The following SLC18A2 variants were observed in gnomAD, a reference collection of about 807,000 sequenced individuals.
SLC18A2 encodes solute carrier family 18 member A2, also known as synaptic vesicular amine transporter.
SLC18A2 carries 33 observed loss-of-function variants against 59.2 expected under a neutral mutation model. The ratio of observed to expected loss-of-function variants is 0.56; its 90% CI spans 0.42 to 0.75. SLC18A2 has a LOEUF of 0.75. Ranked by LOEUF, SLC18A2 falls within the 30% of genes least tolerant of loss-of-function variation. The pLI is 0.00. For synonymous variants in SLC18A2, 228 were observed against 253.5 expected, an observed-to-expected ratio of 0.90 and a Z score of 0.95; for missense variants, 569 against 668.6, an observed-to-expected ratio of 0.85 and a Z score of 1.64.
chr10:117,248,565 T>C (rs1358599672), intron 3 of SLC18A2, among the ~76,000 whole-genome samples: 1 of 152,230 alleles, frequency 6.6e-6, no homozygotes, highest in Non-Finnish European at 1.5e-5. Context: ...TTGGCTGAAC[T>C]ATTCATTTCA....
rs1158373251 is a variant in SLC18A2, at chr10:117,270,425, T to C, written c.1402T>C (p.Phe468Leu). 1.2e-6 allele frequency: 2 copies of C among 1,613,934 alleles called. No homozygotes were observed. The highest frequency in any genetic ancestry group is 1.7e-6 in the Non-Finnish European group (2 of 1,180,002). ...TGATATTCTTTTTGCCCCTCTCTGC[T>C]TTTTTCTTCGAAGTCCACCTGCCAA... ...IIDILFAPLC[F>L]FLRSPPAKEE... Residue 468 changes from phenylalanine (F) to leucine (L), a missense_variant, in exon 15 of 16, where the codon TTT (phenylalanine) becomes CTT (leucine). This residue lies in a region of SLC18A2 where 192 missense variants were observed against 278.8 expected (regional missense o/e 0.69). Coordinates refer to ENST00000644641, the MANE Select transcript of SLC18A2 (RefSeq NM_003054.6).
chr10:117,254,166 G>A (rs1258912007), intron 5 of SLC18A2, 35 bp downstream of exon 5: 1 of 1,596,740 alleles, frequency 6.3e-7, no homozygotes, highest in East Asian at 2.2e-5. Context: ...TTCGTGAGGG[G>A]CCCCTTGCAG....
At chr10:117,256,790 T>C (rs959293125) in intron 9 of SLC18A2, among the ~76,000 whole-genome samples, 6 of 152,104 alleles carry the variant, frequency 3.9e-5, no homozygotes, top group African/African-American at 1.2e-4. Context: ...CGAGGAGGTA[T>C]GGTGAGGGAC....
chr10:117,252,637 T>C (rs1183642532), intron 3 of SLC18A2, among the ~76,000 whole-genome samples: 3 of 152,190 alleles, frequency 2.0e-5, no homozygotes, highest in South Asian at 2.1e-4. Flanking sequence ...TGACATTTCT[T>C]AGGCACCTTC....
At chr10:117,276,644 A>AAGAAAGAC (rs148904668) in intron 15 of SLC18A2, among the ~76,000 whole-genome samples, 7,685 of 132,658 alleles carry the variant, frequency 0.058, 327 homozygotes, top group South Asian at 0.075. Context: ...GAAAGAAAGA[A>AAGAAAGAC]AGAAAGAAAA....
chr10:117,244,406 A>G (rs1844089322), intron 3 of SLC18A2, 93 bp downstream of exon 3: 2 of 1,213,644 alleles, frequency 1.6e-6, no homozygotes, highest in African/African-American at 1.5e-5. Flanking sequence ...CATTGGTGAG[A>G]GTCTGGAAAA....
chr10:117,266,089 CA>C (rs35533634), intron 10 of SLC18A2, among the ~76,000 whole-genome samples: 1,668 of 72,124 alleles, frequency 0.023, 17 homozygotes, highest in African/African-American at 0.07. Context: ...GACTCCATCT[CA>C]AAAAAAAAAA....
chr10:117,258,425 C>G, intron 10 of SLC18A2, among the ~76,000 whole-genome samples: 1 of 152,116 alleles, frequency 6.6e-6, no homozygotes, highest in East Asian at 1.9e-4. Context: ...TGTTTACCAC[C>G]CTATTGCATG....
intron 10 of SLC18A2, among the ~76,000 whole-genome samples, chr10:117,266,111 A>AT (rs1844346089): frequency 6.6e-6 from 1 of 150,878 alleles, no homozygotes; most frequent in African/African-American, 2.4e-5. Flanking sequence ...AAAAAAAAAA[A>AT]TCTGACTTGA....
rs1666990170 is a variant in SLC18A2 at position 117,241,560 on chromosome 10, G to A, written c.-15-119G>A. On this transcript the variant is annotated intron_variant, in intron 1 of 15. Transcript: ENST00000644641. ...CAGGTGAGCCGAGGCTGGGGCGCCC[G>A]GGGGTGTCCCCGGATGCCGGTGCGC... 2.6e-6 allele frequency: 3 copies of A among 1,134,840 alleles called. No homozygotes were observed. In the Admixed American group the frequency reaches 1.2e-4, roughly 45 times the overall value. The allele number at this position is 1,134,840 out of a possible 1,614,324, so 70.3% of individuals were successfully genotyped here.
At chr10:117,251,677 G>A (rs1844163984) in intron 3 of SLC18A2, among the ~76,000 whole-genome samples, 2 of 152,126 alleles carry the variant, frequency 1.3e-5, no homozygotes, top group Non-Finnish European at 2.9e-5. Flanking sequence ...ATTTGAATAT[G>A]GTCAAGAGAA....
Position 117,266,591 on chromosome 10 carries a change from G to T in SLC18A2, c.992-142G>T, listed in dbSNP as rs895811087. 8 of 666,680 alleles carry T rather than the reference G, an allele frequency of 1.2e-5. No homozygotes were observed. The East Asian group carries it at 2.1e-4, about 17-fold the overall frequency. The allele number at this position is 666,680 out of a possible 1,614,324, so 41.3% of individuals were successfully genotyped here. On this transcript the variant is annotated intron_variant, in intron 10 of 15. Coordinates refer to ENST00000644641, the MANE Select transcript of SLC18A2 (RefSeq NM_003054.6). ...TGGGTCCAGACCGGATCCGGCAGGC[G>T]CCGGATATTAGCTGCTGGGGTGTGG... is the stretch of plus-strand genomic sequence containing the variant.
chr10:117,263,968 C>G (rs1428864066), intron 10 of SLC18A2, among the ~76,000 whole-genome samples: 3 of 152,192 alleles, frequency 2.0e-5, no homozygotes, highest in Non-Finnish European at 4.4e-5. Flanking sequence ...ACCATTGCCC[C>G]TATTCTGGTT....
intron 3 of SLC18A2, among the ~76,000 whole-genome samples, chr10:117,246,431 A>C (rs2133727522): frequency 6.6e-6 from 1 of 152,344 alleles, no homozygotes; most frequent in East Asian, 1.9e-4. Context: ...TAAATACTCC[A>C]ACGGCTTTGA....
At position 117,257,867 on chromosome 10, in the gene SLC18A2, C is replaced by A; in HGVS notation, c.966C>A (p.Thr322=). 1.2e-6 allele frequency: 2 copies of A among 1,611,820 alleles called. No individual in the cohort carries two copies. Among genetic ancestry groups the A allele is most frequent in the Non-Finnish European group, 1.7e-6 (2 of 1,178,840 alleles). ...EPALPIWMME[T]MCSRKWQLGV... is the part of the protein sequence containing the mutation. ...CCCTGCCCATCTGGATGATGGAGACCATGTGTTCCCGAAAGTGGCAGCTGG... is the reference window on the plus strand; with the variant it reads ...CCCTGCCCATCTGGATGATGGAGACAATGTGTTCCCGAAAGTGGCAGCTGG... The change falls in exon 10 of 16, where the codon ACC becomes ACA. Residue 322 remains threonine, a synonymous_variant. Coordinates refer to ENST00000644641, the MANE Select transcript of SLC18A2 (RefSeq NM_003054.6).
intron 15 of SLC18A2, among the ~76,000 whole-genome samples, chr10:117,272,069 T>A (rs970270768): frequency 6.6e-6 from 1 of 152,160 alleles, no homozygotes; most frequent in African/African-American, 2.4e-5. Flanking sequence ...ATGTAGAGGC[T>A]TATGAGTCTT....
At chr10:117,255,731 C>T in intron 9 of SLC18A2, 74 bp downstream of exon 9, 1 of 1,382,118 alleles carries the variant, frequency 7.2e-7, no homozygotes, top group Non-Finnish European at 1.0e-6. Context: ...GGGTGGATGG[C>T]CAGGGCTGAT....
At chr10:117,259,139 C>A (rs184130508) in intron 10 of SLC18A2, among the ~76,000 whole-genome samples, 20 of 152,220 alleles carry the variant, frequency 1.3e-4, no homozygotes, top group Non-Finnish European at 2.4e-4. Context: ...ATTATTGTGA[C>A]TGGGTAATTA....
intron 15 of SLC18A2, among the ~76,000 whole-genome samples, chr10:117,271,339 T>C (rs1459297232): frequency 6.6e-6 from 1 of 152,230 alleles, no homozygotes; most frequent in African/African-American, 2.4e-5. Flanking sequence ...TCAGAAGGTC[T>C]TTCTGACAGT....
Sources: allele counts gnomAD v4.1 joint callset (sites outside exome capture counted in the v4.1 genomes callset), GRCh38; gene constraint gnomAD v4.1.1; regional missense constraint gnomAD v4.1.1; transcripts MANE v1.5; gene names NCBI Gene and HGNC (gene_info 2026-07-23, HGNC 2026-07-21).